The following APBB2 variants were observed in gnomAD, a reference collection of about 807,000 sequenced individuals.
APBB2 encodes Fe65-like 1.
Under a neutral mutation model 82.5 loss-of-function variants are expected in APBB2, and 38 were observed. The observed-to-expected ratio is 0.46, with a 90% CI of 0.36 to 0.60. The LOEUF (loss-of-function observed/expected upper bound fraction) is 0.60. APBB2 is among the 20% of genes least tolerant of loss of function. The probability of loss-of-function intolerance (pLI) is 0.00; values close to 1 mark genes in which losing one functional copy is unlikely to be tolerated. For synonymous variants in APBB2, 341 were observed against 368.2 expected, an observed-to-expected ratio of 0.93 and a Z score of 0.85; for missense variants, 772 against 972.3, an observed-to-expected ratio of 0.79 and a Z score of 2.74.
chr4:41,100,692 C>G lies in APBB2; in HGVS notation c.-202G>C, dbSNP rs530038866. On this transcript the variant is annotated 5_prime_UTR_variant, in exon 3 of 18. Coordinates refer to ENST00000508593, the MANE Select transcript of APBB2 (RefSeq NM_004307.2). ...GAAGGCAAGCTCCTTTTTTTCCCCA[C>G]AAAGTCTGTTAATTAATAGCAAGCA... 3.3e-5 allele frequency: 5 copies of G among 152,196 alleles called. No individual in the cohort carries two copies. Among genetic ancestry groups the G allele is most frequent in the African/African-American group, 1.2e-4 (5 of 41,554 alleles). 9.4% of individuals were successfully genotyped at this position (152,196 alleles called of 1,614,324 possible).
At chr4:40,896,821 G>A (rs1009574530) in intron 10 of APBB2, among the ~76,000 whole-genome samples, 1 of 152,066 alleles carries the variant, frequency 6.6e-6, no homozygotes, top group South Asian at 2.1e-4. Flanking sequence ...TGGTGAATTC[G>A]GCTTCTGGCA....
intron 4 of APBB2, among the ~76,000 whole-genome samples, chr4:41,049,703 TG>T (rs1725231607): frequency 6.6e-6 from 1 of 152,148 alleles, no homozygotes; most frequent in African/African-American, 2.4e-5. Context: ...GGGGGAAATG[TG>T]GGGAAAAGAT....
chr4:41,127,328 C>A lies in APBB2; in HGVS notation c.-261+15659G>T, dbSNP rs1185438008. 2.0e-5 allele frequency among the ~76,000 whole-genome samples: 3 copies of A among 152,118 alleles called. No individual in the cohort carries two copies. The highest frequency in any genetic ancestry group is 7.2e-5 in the African/African-American group (3 of 41,438). On this transcript the variant is annotated intron_variant, in intron 2 of 17. Transcript: ENST00000508593. This position sits in a 1 kb window ranked among gnomAD's most constrained non-coding sequence, Gnocchi z 4.8. ...CATTTTATAAGCATTTGTACTGCGA[C>A]AATACAACACAAGGAAAAAAAAATC...
intron 4 of APBB2, among the ~76,000 whole-genome samples, chr4:41,038,668 T>G (rs1720190003): frequency 6.6e-6 from 1 of 152,204 alleles, no homozygotes; most frequent in African/African-American, 2.4e-5. Context: ...AATAGCTACT[T>G]CCCTAGAAAC....
At chr4:41,180,791 C>G (rs1771122577) in intron 1 of APBB2, among the ~76,000 whole-genome samples, 1 of 152,176 alleles carries the variant, frequency 6.6e-6, no homozygotes, top group South Asian at 2.1e-4. Flanking sequence ...TTTACAAATC[C>G]TACACTATGA....
At chr4:40,968,186 C>G (rs1271594265) in intron 6 of APBB2, among the ~76,000 whole-genome samples, 1 of 152,186 alleles carries the variant, frequency 6.6e-6, no homozygotes, top group East Asian at 1.9e-4. Context: ...AGGGAAGTAA[C>G]TGACTACGGT....
intron 1 of APBB2, among the ~76,000 whole-genome samples, chr4:41,176,072 C>T (rs1769688504): frequency 1.3e-5 from 2 of 152,120 alleles, no homozygotes; most frequent in Admixed American, 6.5e-5. Context: ...AATAACTAAC[C>T]AGCTGCTGGT....
chr4:41,049,386 G>A (rs1386082765), intron 4 of APBB2, among the ~76,000 whole-genome samples: 1 of 109,288 alleles, frequency 9.2e-6, no homozygotes, highest in Non-Finnish European at 1.9e-5. Context: ...GTCAGCCCCC[G>A]CCCAGCCAGC....
intron 17 of APBB2, among the ~76,000 whole-genome samples, chr4:40,821,609 G>A (rs567897733): frequency 1.3e-5 from 2 of 152,292 alleles, no homozygotes; most frequent in South Asian, 4.1e-4. Flanking sequence ...TGGGATCAAG[G>A]ATTGACCGTC....
chr4:41,027,118 T>C (rs1214114934), intron 5 of APBB2, among the ~76,000 whole-genome samples: 1 of 152,080 alleles, frequency 6.6e-6, no homozygotes, highest in Non-Finnish European at 1.5e-5. Context: ...GGGAGATGGA[T>C]TTCAGACTGA....
Position 41,116,762 on chromosome 4 carries a change from T to C in APBB2, c.-260-16012A>G, listed in dbSNP as rs369006139. On this transcript the variant is annotated intron_variant, in intron 2 of 17. Transcript: ENST00000508593. Reference sequence around the variant, plus strand: ...ATGAGGGGGGTTATATGGGTGTTCATTGTACTGTTCTTTTTTCTATACTTG... The same window carrying C: ...ATGAGGGGGGTTATATGGGTGTTCACTGTACTGTTCTTTTTTCTATACTTG... Among the ~76,000 whole-genome samples, 7 of 152,362 alleles carry C rather than the reference T, an allele frequency of 4.6e-5. No individual in the cohort carries two copies. In the East Asian group the frequency reaches 1.3e-3, roughly 29 times the overall value.
At chr4:41,181,942 CAAAA>C (rs35142945) in intron 1 of APBB2, among the ~76,000 whole-genome samples, 12 of 93,894 alleles carry the variant, frequency 1.3e-4, no homozygotes, top group East Asian at 4.0e-4. Context: ...GAAACTGTCT[CAAAA>C]AAAAAAAAAA....
intron 5 of APBB2, among the ~76,000 whole-genome samples, chr4:41,025,944 CAAAAAAAA>C (rs71198626): frequency 1.5e-5 from 1 of 68,278 alleles, no homozygotes; most frequent in Non-Finnish European, 2.9e-5. Context: ...TCCATCTCCA[CAAAAAAAA>C]AAAAAAAAAA....
At chr4:40,983,578 T>C (rs955006220) in intron 6 of APBB2, among the ~76,000 whole-genome samples, 7 of 42,504 alleles carry the variant, frequency 1.6e-4, no homozygotes, top group Non-Finnish European at 2.8e-4. Flanking sequence ...CTGTTAATTA[T>C]GACTTTTTTT....
chr4:40,833,170 C>T (rs185763105), intron 12 of APBB2, among the ~76,000 whole-genome samples: 2 of 152,242 alleles, frequency 1.3e-5, no homozygotes, highest in Admixed American at 6.5e-5. Flanking sequence ...TCTCCCGGCA[C>T]ACAACTCCAA....
At chr4:41,113,784 T>C (rs1750017089) in intron 2 of APBB2, among the ~76,000 whole-genome samples, 1 of 152,064 alleles carries the variant, frequency 6.6e-6, no homozygotes, top group African/African-American at 2.4e-5. Flanking sequence ...TGCTAAAGTA[T>C]TGAGGGTTAA....
Position 40,848,162 on chromosome 4 carries a change from T to G in APBB2, c.1530-17585A>C, listed in dbSNP as rs543905423. On this transcript the variant is annotated intron_variant, in intron 12 of 17. Coordinates refer to ENST00000508593, the MANE Select transcript of APBB2 (RefSeq NM_004307.2). ...CAAGTATTTCTGGTATAATGTAAAC[T>G]CAATAATATCTAAAGAAAAGCAGAC... is the stretch of plus-strand genomic sequence containing the variant. 3.3e-5 allele frequency among the ~76,000 whole-genome samples: 5 copies of G among 152,288 alleles called. No homozygotes were observed. The South Asian group carries it at 1.0e-3, about 32-fold the overall frequency.
chr4:40,817,581 G>A (rs1474760363), intron 17 of APBB2, among the ~76,000 whole-genome samples: 1 of 152,028 alleles, frequency 6.6e-6, no homozygotes, highest in Non-Finnish European at 1.5e-5. Context: ...GGGTTCTGCA[G>A]GACCTGAATA....
rs1305117006 is a variant in APBB2 at position 40,934,640 on chromosome 4, G to A, written c.1167C>T (p.Thr389=). 2 of 1,614,048 alleles carry A rather than the reference G, an allele frequency of 1.2e-6. No homozygotes were observed. The highest frequency in any genetic ancestry group is 2.2e-5 in the South Asian group (2 of 91,078). ...TGAGTTTCAAAGATGCATAGCGTAG[G>A]GTTGCTCCTTCAAACTCTTTTAAAC... The part of the protein sequence containing the change: ...DPSLKEFEGA[T]LRYASLKLRN... The change falls in exon 9 of 18, where the codon ACC becomes ACT. Residue 389 remains threonine (T), a synonymous_variant. Transcript: ENST00000508593.
Sources: gnomAD v4.1 joint callset for allele counts (sites outside exome capture counted in the v4.1 genomes callset) on GRCh38, gnomAD v4.1.1 for gene constraint, Gnocchi (gnomAD v3.1) non-coding constraint, MANE v1.5 for transcripts, NCBI Gene and HGNC (gene_info 2026-07-23, HGNC 2026-07-21) for gene names.